The following WFS1 variants were observed in gnomAD, a reference collection of about 807,000 sequenced individuals.
The protein encoded by WFS1 is wolframin.
Under a neutral mutation model 68.5 loss-of-function variants are expected in WFS1, and 90 were observed. The observed-to-expected ratio is 1.31, with a 90% CI of 1.11 to 1.56. The LOEUF is 1.56. Among genes scored for constraint, WFS1 ranks in the 40% most tolerant of loss-of-function variants. WFS1 has a pLI of 0.00. For synonymous variants in WFS1, 860 were observed against 540.7 expected (o/e 1.59, Z -8.19); for missense variants, 1,767 against 1,232.6 (o/e 1.43, Z -6.49).
At chr4:6,299,211 G>A (rs1440890101) in intron 7 of WFS1, among the ~76,000 whole-genome samples, 2 of 152,232 alleles carry the variant, frequency 1.3e-5, no homozygotes, top group African/African-American at 2.4e-5. Flanking sequence ...GAAGGCATGA[G>A]GGCTGGCCCT....
At chr4:6,299,351 G>A (rs1730758439) in intron 7 of WFS1, among the ~76,000 whole-genome samples, 1 of 152,222 alleles carries the variant, frequency 6.6e-6, no homozygotes, top group African/African-American at 2.4e-5. Flanking sequence ...GAGCAGGGGA[G>A]CAGGACCCAC....
chr4:6,291,083 G>C, intron 4 of WFS1, 114 bp from the exon 5 acceptor site: 1 of 1,240,708 alleles, frequency 8.1e-7, no homozygotes, highest in Non-Finnish European at 1.2e-6. Context: ...ACCAAGTCCT[G>C]ACACCTTCTA....
At chr4:6,270,579 T>C (rs11723602) in intron 1 of WFS1, among the ~76,000 whole-genome samples, 90,533 of 151,938 alleles carry the variant, frequency 0.6, 27,626 homozygotes, top group East Asian at 0.93. Context: ...AGTTCCTCTC[T>C]CTCTCGGGGC....
At chr4:6,285,814 C>T (rs1560406760) in intron 2 of WFS1, among the ~76,000 whole-genome samples, 1 of 152,244 alleles carries the variant, frequency 6.6e-6, no homozygotes, top group Non-Finnish European at 1.5e-5. Context: ...GGCTGGTCCT[C>T]AGTGTGGTGT....
intron 6 of WFS1, among the ~76,000 whole-genome samples, chr4:6,292,956 C>T (rs74711425): frequency 0.028 from 4,271 of 152,310 alleles, 183 homozygotes; most frequent in African/African-American, 0.091. Context: ...CTCGCCTCTG[C>T]GTGGGCGGAC....
chr4:6,290,474 C>T (rs1017715460), intron 4 of WFS1, among the ~76,000 whole-genome samples: 5 of 152,224 alleles, frequency 3.3e-5, no homozygotes, highest in East Asian at 1.9e-4. Context: ...GGGAGGAGGC[C>T]GGTTGGCCCC....
rs373669861 is a variant in WFS1, at chr4:6,295,120, C to G, written c.792C>G (p.Phe264Leu). The G allele has an allele frequency of 1.1e-5, 17 of 1,613,366 alleles. No homozygotes were observed. The African/African-American group carries it at 2.1e-4, about 20-fold the overall frequency. Residue 264 changes from phenylalanine to leucine, a missense_variant, in exon 7 of 8, where the codon TTC (phenylalanine) becomes TTG (leucine). Physicochemically the swap from Phe to Leu is conservative, Grantham distance 22 (BLOSUM62 0). Transcript: ENST00000226760. Reference sequence around the variant, plus strand: ...AGGGCGTCATCCCCAGCAGCCTGTTCCTGCAGGACGACGAAGATGATGACG... The same window carrying G: ...AGGGCGTCATCCCCAGCAGCCTGTTGCTGCAGGACGACGAAGATGATGACG... ...YAKGVIPSSL[F>L]LQDDEDDDEL...
chr4:6,276,070 ACT>A (rs761808385), intron 1 of WFS1, among the ~76,000 whole-genome samples: 5 of 151,924 alleles, frequency 3.3e-5, no homozygotes, highest in Non-Finnish European at 7.4e-5. Flanking sequence ...TGGGAGCGAG[ACT>A]CTCTGTTACC....
Position 6,302,326 on chromosome 4 carries a change from C to G in WFS1, c.2531C>G (p.Ala844Gly), listed in dbSNP as rs200192011. The part of the protein sequence containing the change: ...GSKWPVFELK[A>G]ISCLNCMAQL... Reference sequence around the variant, plus strand: ...AAGTGGCCTGTCTTCGAGCTCAAGGCCATCAGCTGCCTCAACTGCATGGCC... The same window carrying G: ...AAGTGGCCTGTCTTCGAGCTCAAGGGCATCAGCTGCCTCAACTGCATGGCC... Residue 844 changes from alanine (A) to glycine (G), a missense_variant, in exon 8 of 8, where the codon GCC becomes GGC. Coordinates refer to ENST00000226760, the MANE Select transcript of WFS1 (RefSeq NM_006005.3). 6.2e-7 allele frequency: 1 copy of G among 1,612,350 alleles called. No individual in the cohort carries two copies. Among genetic ancestry groups the G allele is most frequent in the Non-Finnish European group, 8.5e-7 (1 of 1,179,820 alleles).
Position 6,302,282 on chromosome 4 carries a change from G to C in WFS1, c.2487G>C (p.Leu829=), listed in dbSNP as rs1368710970. ...GCCTCATCGAGTTCAGCACCATCCTGGAGGGCCGCCTGGGCAGCAAGTGGC... is the reference window on the plus strand; with the variant it reads ...GCCTCATCGAGTTCAGCACCATCCTCGAGGGCCGCCTGGGCAGCAAGTGGC... ...QGSLIEFSTI[L]EGRLGSKWPV... Residue 829 remains leucine, a synonymous_variant, in exon 8 of 8, where the codon CTG becomes CTC. Coordinates refer to ENST00000226760, the MANE Select transcript of WFS1 (RefSeq NM_006005.3). The C allele has an allele frequency of 1.2e-6, 2 of 1,605,830 alleles. No individual in the cohort carries two copies. Among genetic ancestry groups the C allele is most frequent in the Non-Finnish European group, 1.7e-6 (2 of 1,174,622 alleles).
intron 5 of WFS1, among the ~76,000 whole-genome samples, chr4:6,291,706 G>A (rs186841531): frequency 6.6e-6 from 1 of 152,330 alleles, no homozygotes; most frequent in East Asian, 1.9e-4. Flanking sequence ...CCAAGTGGGA[G>A]CACGCTACGT....
Position 6,300,354 on chromosome 4 carries a change from C to T in WFS1, c.862-303C>T, listed in dbSNP as rs188104345. Among the ~76,000 whole-genome samples, 578 of 152,206 alleles carry T rather than the reference C, an allele frequency of 3.8e-3. 6 individuals carry two copies. Among genetic ancestry groups the T allele is most frequent in the African/African-American group, 0.013 (557 of 41,524 alleles). On this transcript the variant is annotated intron_variant, in intron 7 of 7. Coordinates refer to ENST00000226760, the MANE Select transcript of WFS1 (RefSeq NM_006005.3). ...GGGGAGCCCGTGGGTCCCTCCAGTG[C>T]TGGAGGTCTTGCAGGGAGAGAAGCA... is the stretch of plus-strand genomic sequence containing the variant.
intron 1 of WFS1, among the ~76,000 whole-genome samples, chr4:6,274,433 A>G (rs1578583135): frequency 6.6e-6 from 1 of 151,942 alleles, no homozygotes; most frequent in East Asian, 1.9e-4. Flanking sequence ...GGGAGGTGCT[A>G]TCCCCATTTT....
At chr4:6,295,323 G>A (rs1233093696) in intron 7 of WFS1, 134 bp downstream of exon 7, 16 of 1,029,764 alleles carry the variant, frequency 1.6e-5, no homozygotes, top group Non-Finnish European at 2.3e-5. Context: ...CCGTGCCGCT[G>A]GTACCTTTGG....
chr4:6,289,269 T>C, intron 4 of WFS1, 138 bp downstream of exon 4: 1 of 1,234,196 alleles, frequency 8.1e-7, no homozygotes, highest in South Asian at 1.5e-5. Context: ...GTTTTGCTGG[T>C]GGCCTTCTCA....
intron 7 of WFS1, among the ~76,000 whole-genome samples, chr4:6,299,918 G>C (rs554037624): frequency 7.1e-6 from 1 of 141,654 alleles, no homozygotes; most frequent in Admixed American, 7.0e-5. Flanking sequence ...TGTGTGTATG[G>C]GGTGGGTTTG....
At chr4:6,293,915 G>T (rs1406401119) in intron 6 of WFS1, among the ~76,000 whole-genome samples, 2 of 152,196 alleles carry the variant, frequency 1.3e-5, no homozygotes, top group African/African-American at 2.4e-5. Flanking sequence ...GTACCTGGCT[G>T]TCCCATGGTC....
chr4:6,289,949 G>A (rs984052177), intron 4 of WFS1, among the ~76,000 whole-genome samples: 3 of 152,180 alleles, frequency 2.0e-5, no homozygotes, highest in Admixed American at 6.5e-5. Context: ...GTTTGTTGTT[G>A]TTGTTTTGAG....
Position 6,302,553 on chromosome 4 carries a change from G to A in WFS1, c.*85G>A. ...GCCCCAGCCCGACAGGCATGCACCA[G>A]TGCCGCCTGTGCCCACGTGTGCAGA... On this transcript the variant is annotated 3_prime_UTR_variant, in exon 8 of 8. Coordinates refer to ENST00000226760, the MANE Select transcript of WFS1 (RefSeq NM_006005.3). 2 of 1,580,008 alleles carry A rather than the reference G, an allele frequency of 1.3e-6. No individual in the cohort carries two copies. The highest frequency in any genetic ancestry group is 1.7e-6 in the Non-Finnish European group (2 of 1,165,022).
Sources: gnomAD v4.1 joint callset for allele counts (sites outside exome capture counted in the v4.1 genomes callset) on GRCh38, gnomAD v4.1.1 for gene constraint, MANE v1.5 for transcripts, NCBI Gene and HGNC (gene_info 2026-07-23, HGNC 2026-07-21) for gene names.